The following RTF1 variants were observed in gnomAD, a reference collection of about 807,000 sequenced individuals.
RTF1 encodes the protein RTF1 homolog, Paf1/RNA polymerase II complex component.
A neutral mutation model predicts 95.7 loss-of-function variants in RTF1; 10 were observed. That is an observed-to-expected ratio of 0.10 (90% CI 0.06 to 0.18). The LOEUF (loss-of-function observed/expected upper bound fraction) is 0.18, where lower values mean the gene tolerates loss of function less well. Among genes scored for constraint, RTF1 ranks in the 10% least tolerant of loss-of-function variants. The pLI is 1.00. For missense variants in RTF1, 458 were observed against 875.6 expected (o/e 0.52, Z 6.02); for synonymous variants, 305 against 311.8 (o/e 0.98, Z 0.23).
At chr15:41,456,460 G>A (rs1027504531) in intron 3 of RTF1, among the ~76,000 whole-genome samples, 1 of 148,800 alleles carries the variant, frequency 6.7e-6, no homozygotes, top group African/African-American at 2.5e-5. Flanking sequence ...CTGCACTCCA[G>A]CCTGGGCGAC....
chr15:41,426,211 C>T (rs1172810478), intron 1 of RTF1, among the ~76,000 whole-genome samples: 4 of 152,040 alleles, frequency 2.6e-5, no homozygotes, highest in South Asian at 2.1e-4. Flanking sequence ...CTGCAACCTC[C>T]GCCCTGGGTT....
At chr15:41,426,327 A>G (rs2140945367) in intron 1 of RTF1, among the ~76,000 whole-genome samples, 1 of 148,036 alleles carries the variant, frequency 6.8e-6, no homozygotes, top group African/African-American at 2.5e-5. Flanking sequence ...TTTTTTTGGG[A>G]TAGAGTCTCG....
At chr15:41,424,021 TG>T (rs2050616483) in intron 1 of RTF1, among the ~76,000 whole-genome samples, 1 of 152,202 alleles carries the variant, frequency 6.6e-6, no homozygotes, top group South Asian at 2.1e-4. Context: ...CCCAGGGTGC[TG>T]GGATTTCAGG....
At chr15:41,478,785 A>G (rs1007575542) in intron 15 of RTF1, 160 bp downstream of exon 15, 4 of 654,470 alleles carry the variant, frequency 6.1e-6, no homozygotes, top group Admixed American at 2.7e-5. Context: ...TTATCTTGCT[A>G]TAGGACATAT....
chr15:41,443,115 T>C (rs550360646), intron 2 of RTF1, among the ~76,000 whole-genome samples: 14 of 152,244 alleles, frequency 9.2e-5, no homozygotes, highest in Admixed American at 2.0e-4. Context: ...GGTAATTTGT[T>C]TATAAAATCA....
At chr15:41,441,269 CCT>C (rs1442126018) in intron 2 of RTF1, among the ~76,000 whole-genome samples, 2 of 152,114 alleles carry the variant, frequency 1.3e-5, no homozygotes, top group Admixed American at 6.6e-5. Flanking sequence ...CCATGTCTGG[CCT>C]CTCTCCCACT....
Position 41,453,004 on chromosome 15 carries a change from G to C in RTF1, c.413G>C (p.Ser138Thr). ...KQANKTASSG[S>T]SDKDSSAESS... Reference sequence around the variant, plus strand: ...GCCAACAAAACTGCCTCCTCAGGCAGTTCAGACAAAGACAGTTCAGCTGAG... The same window carrying C: ...GCCAACAAAACTGCCTCCTCAGGCACTTCAGACAAAGACAGTTCAGCTGAG... The change falls in exon 3 of 18, where the codon AGT (serine) becomes ACT (threonine). Residue 138 changes from serine (S) to threonine (T), a missense_variant. By Grantham distance (58) the Ser-to-Thr change is moderately conservative. This residue lies in a region of RTF1 where 39 missense variants were observed against 38.4 expected (regional missense o/e 1.02). Coordinates refer to ENST00000389629, the MANE Select transcript of RTF1 (RefSeq NM_015138.5). 6.2e-7 allele frequency: 1 copy of C among 1,612,132 alleles called. No homozygotes were observed.
At chr15:41,431,205 GTTTTTCT>G (rs1038669082) in intron 1 of RTF1, among the ~76,000 whole-genome samples, 1 of 149,116 alleles carries the variant, frequency 6.7e-6, no homozygotes, top group Non-Finnish European at 1.5e-5. Flanking sequence ...CGTCCAGCGG[GTTTTTCT>G]TTTTTCTTTT....
chr15:41,468,995 ATCTC>A (rs1055206091), intron 6 of RTF1, among the ~76,000 whole-genome samples: 1 of 151,086 alleles, frequency 6.6e-6, no homozygotes, highest in Non-Finnish European at 1.5e-5. Context: ...TTGAGACAGG[ATCTC>A]TCTCTGTTAC....
intron 1 of RTF1, among the ~76,000 whole-genome samples, chr15:41,434,788 C>T (rs752909894): frequency 1.5e-4 from 22 of 151,316 alleles, no homozygotes; most frequent in East Asian, 3.9e-4. Flanking sequence ...TCACCATGCC[C>T]GGCTAATTTT....
At chr15:41,461,382 A>C (rs2050847797) in intron 4 of RTF1, among the ~76,000 whole-genome samples, 1 of 151,374 alleles carries the variant, frequency 6.6e-6, no homozygotes, top group Non-Finnish European at 1.5e-5. Flanking sequence ...GGGTTTCACT[A>C]TGTTGGCCAG....
chr15:41,455,274 A>G (rs1161560340), intron 3 of RTF1, among the ~76,000 whole-genome samples: 1 of 150,550 alleles, frequency 6.6e-6, no homozygotes, highest in Admixed American at 6.7e-5. Flanking sequence ...AGATCACCCC[A>G]CTGTACTCCA....
At chr15:41,430,101 G>C (rs970889432) in intron 1 of RTF1, among the ~76,000 whole-genome samples, 9 of 146,638 alleles carry the variant, frequency 6.1e-5, no homozygotes, top group African/African-American at 2.3e-4. Flanking sequence ...CCTACCTCCT[G>C]GGTTCACGCA....
At position 41,482,817 on chromosome 15, in the gene RTF1, CTTT is replaced by C. The variant is rs1220501484; in HGVS notation, c.*2138_*2140del. 1 of 149,360 alleles carries C rather than the reference CTTT, an allele frequency of 6.7e-6. No individual in the cohort carries two copies. Among genetic ancestry groups the C allele is most frequent in the Non-Finnish European group, 1.5e-5 (1 of 67,076 alleles). The allele number at this position is 149,360 out of a possible 1,614,324, so 9.3% of individuals were successfully genotyped here. On this transcript the variant is annotated 3_prime_UTR_variant, in exon 18 of 18. Coordinates refer to ENST00000389629, the MANE Select transcript of RTF1 (RefSeq NM_015138.5). ...CCTCTCCTATCATGATGAACTTGGA[CTTT>C]TTTTTTTGATTTCTGGTTTTAAAAA...
chr15:41,471,479 T>C, intron 8 of RTF1, 130 bp downstream of exon 8: 1 of 966,454 alleles, frequency 1.0e-6, no homozygotes. Context: ...CCAAGTGGGA[T>C]CCCCATAGAG....
At chr15:41,449,529 G>A (rs369622720) in intron 2 of RTF1, among the ~76,000 whole-genome samples, 3 of 152,040 alleles carry the variant, frequency 2.0e-5, no homozygotes, top group African/African-American at 7.2e-5. Context: ...CTTAAATAGA[G>A]GTGGGGTCTT....
At chr15:41,424,673 G>A (rs1028985505) in intron 1 of RTF1, among the ~76,000 whole-genome samples, 1 of 152,178 alleles carries the variant, frequency 6.6e-6, no homozygotes, top group Non-Finnish European at 1.5e-5. Context: ...TGTATACTGG[G>A]TTGTGAGGTA....
chr15:41,477,272 C>G lies in RTF1; in HGVS notation c.1668C>G (p.Asn556Lys). The change falls in exon 13 of 18, where the codon AAC (asparagine) becomes AAG (lysine). Residue 556 changes from asparagine (N) to lysine (K), a missense_variant. Transcript: ENST00000389629. ...AEALDRQRTKNISAISYINQR... is the reference protein window; with the variant it reads ...AEALDRQRTKKISAISYINQR... Reference sequence around the variant, plus strand: ...CCCTGGACCGCCAGCGGACCAAGAACATATCCGCTATCAGGTGTGTTATGG... The same window carrying G: ...CCCTGGACCGCCAGCGGACCAAGAAGATATCCGCTATCAGGTGTGTTATGG... 6.2e-7 allele frequency: 1 copy of G among 1,614,268 alleles called. No individual in the cohort carries two copies. Among genetic ancestry groups the G allele is most frequent in the Non-Finnish European group, 8.5e-7 (1 of 1,180,052 alleles).
At chr15:41,433,235 G>A (rs2050684622) in intron 1 of RTF1, among the ~76,000 whole-genome samples, 1 of 152,122 alleles carries the variant, frequency 6.6e-6, no homozygotes, top group Non-Finnish European at 1.5e-5. Flanking sequence ...GAGACATAGT[G>A]AGAGTCCATC....
Sources: allele counts gnomAD v4.1 joint callset (sites outside exome capture counted in the v4.1 genomes callset), GRCh38; gene constraint gnomAD v4.1.1; regional missense constraint gnomAD v4.1.1; transcripts MANE v1.5; gene names NCBI Gene and HGNC (gene_info 2026-07-23, HGNC 2026-07-21).